The following TTC28 variants were observed in gnomAD, a reference collection of about 807,000 sequenced individuals.
The protein encoded by TTC28 is tetratricopeptide repeat protein 28.
In TTC28, 61 loss-of-function variants were observed where a neutral mutation model predicts 198.0. The ratio of observed to expected loss-of-function variants is 0.31; its 90% CI spans 0.25 to 0.38. The LOEUF is 0.38. Ranked by LOEUF, TTC28 falls within the 10% of genes least tolerant of loss-of-function variation. The pLI is 1.00. For synonymous variants in TTC28, 1,171 were observed against 1,297.8 expected (o/e 0.90, Z 2.10); for missense variants, 2,678 against 3,164.0 (o/e 0.85, Z 3.69).
chr22:28,083,746 G>A (rs935387377), intron 12 of TTC28, among the ~76,000 whole-genome samples: 1 of 152,212 alleles, frequency 6.6e-6, no homozygotes, highest in African/African-American at 2.4e-5. Context: ...AGGGGTCAGG[G>A]AATTCCCTTT....
intron 2 of TTC28, among the ~76,000 whole-genome samples, chr22:28,507,686 C>A (rs1601485137): frequency 6.6e-6 from 1 of 152,236 alleles, no homozygotes; most frequent in East Asian, 1.9e-4. Context: ...CAAAGGGAAG[C>A]CTATCAGACT....
intron 2 of TTC28, among the ~76,000 whole-genome samples, chr22:28,497,080 C>G: frequency 6.6e-6 from 1 of 152,134 alleles, no homozygotes; most frequent in South Asian, 2.1e-4. Flanking sequence ...GTAATCCCTC[C>G]CCACTTCCAA....
chr22:27,997,024 C>T (rs1009012393), intron 16 of TTC28, among the ~76,000 whole-genome samples: 1 of 152,224 alleles, frequency 6.6e-6, no homozygotes, highest in Admixed American at 6.5e-5. Context: ...GGGCCAGGTC[C>T]CCACAAGCCC....
chr22:28,181,183 AAT>A (rs1395710543), intron 5 of TTC28, among the ~76,000 whole-genome samples: 7 of 152,216 alleles, frequency 4.6e-5, no homozygotes, highest in Non-Finnish European at 1.0e-4. Context: ...TTGGAAGAAC[AAT>A]ATGTCAGAAA....
chr22:28,417,172 T>C lies in TTC28; in HGVS notation c.382-110529A>G, dbSNP rs528801531. ...GGGAGGCTGAGGTGGGAGGATGGCT[T>C]GAGCCTAGGGGTTTGAGACCAGCCT... On this transcript the variant is annotated intron_variant, in intron 2 of 22. Coordinates refer to ENST00000397906, the MANE Select transcript of TTC28 (RefSeq NM_001145418.2). Among the ~76,000 whole-genome samples, 7 of 151,946 alleles carry C rather than the reference T, an allele frequency of 4.6e-5. No individual in the cohort carries two copies. In the South Asian group the frequency reaches 1.5e-3, roughly 32 times the overall value.
intron 5 of TTC28, among the ~76,000 whole-genome samples, chr22:28,241,992 T>C (rs1451644704): frequency 6.6e-6 from 1 of 152,228 alleles, no homozygotes; most frequent in East Asian, 1.9e-4. Context: ...AAAAGACTCA[T>C]TCAACAGAAT....
chr22:28,477,060 C>T (rs9625481), intron 2 of TTC28, among the ~76,000 whole-genome samples: 15,157 of 152,082 alleles, frequency 0.1, 860 homozygotes, highest in African/African-American at 0.12. Flanking sequence ...CTGGAACAGG[C>T]ATAACTAATT....
At chr22:28,408,952 A>G (rs965293759) in intron 2 of TTC28, among the ~76,000 whole-genome samples, 28 of 152,358 alleles carry the variant, frequency 1.8e-4, no homozygotes, top group Admixed American at 1.4e-3. Flanking sequence ...ATGTTTCATT[A>G]TTCACTAAAC....
At chr22:28,111,195 C>T (rs938239588) in intron 6 of TTC28, among the ~76,000 whole-genome samples, 14 of 151,770 alleles carry the variant, frequency 9.2e-5, no homozygotes, top group Admixed American at 6.6e-4. Flanking sequence ...AACATATAAA[C>T]CTTGGTTTAA....
Position 28,222,027 on chromosome 22 carries a change from A to C in TTC28, c.934-58428T>G, listed in dbSNP as rs550198216. ...AACGCTTTACTGATCTTGCCTTAGG[A>C]GCCTAATTTAGCTCCCCAACTCTCA... On this transcript the variant is annotated intron_variant, in intron 5 of 22. Coordinates refer to ENST00000397906, the MANE Select transcript of TTC28 (RefSeq NM_001145418.2). Among the ~76,000 whole-genome samples the C allele has an allele frequency of 2.0e-4, 30 of 152,288 alleles. No individual in the cohort carries two copies. In the South Asian group the frequency reaches 6.0e-3, roughly 31 times the overall value.
rs139482161 is a variant in TTC28 at position 28,477,067 on chromosome 22, A to G, written c.381+152485T>C. Among the ~76,000 whole-genome samples, 129 of 152,340 alleles carry G rather than the reference A, an allele frequency of 8.5e-4. 1 individual carries two copies. The highest frequency in any genetic ancestry group is 1.7e-3 in the Non-Finnish European group (113 of 68,030). On this transcript the variant is annotated intron_variant, in intron 2 of 22. Transcript: ENST00000397906. The stretch of plus-strand genomic sequence containing the variant: ...ATAAAGTTCTGGAACAGGCATAACT[A>G]ATTTATATTTGTAGCTGTACAACTC...
chr22:28,410,534 T>C (rs189079991), intron 2 of TTC28, among the ~76,000 whole-genome samples: 6 of 152,316 alleles, frequency 3.9e-5, no homozygotes, highest in Admixed American at 2.0e-4. Flanking sequence ...AAAAGGAACA[T>C]AGATTGTATT....
At chr22:28,423,267 G>A (rs978595292) in intron 2 of TTC28, among the ~76,000 whole-genome samples, 5 of 152,148 alleles carry the variant, frequency 3.3e-5, no homozygotes, top group African/African-American at 1.2e-4. Context: ...CCACGTGCCT[G>A]TAATACCAGC....
intron 2 of TTC28, among the ~76,000 whole-genome samples, chr22:28,343,059 T>A (rs2045857178): frequency 6.6e-6 from 1 of 152,056 alleles, no homozygotes; most frequent in Non-Finnish European, 1.5e-5. Flanking sequence ...CATACACACA[T>A]AATGAAAAAG....
At chr22:28,414,214 T>G (rs757893616) in intron 2 of TTC28, among the ~76,000 whole-genome samples, 25 of 152,180 alleles carry the variant, frequency 1.6e-4, no homozygotes, top group Non-Finnish European at 3.1e-4. Flanking sequence ...TTGGTTGGAA[T>G]TCACACCAGG....
rs548337063 is a variant in TTC28 at position 28,595,105 on chromosome 22, G to A, written c.381+34447C>T. 3.9e-5 allele frequency among the ~76,000 whole-genome samples: 6 copies of A among 151,994 alleles called. No individual in the cohort carries two copies. In the South Asian group the frequency reaches 6.2e-4, roughly 16 times the overall value. On this transcript the variant is annotated intron_variant, in intron 2 of 22. Transcript: ENST00000397906. Reference sequence around the variant, plus strand: ...CATATTTATTTCTAGCTGACTAATCGGGAACTAAGTACACAATAAAACTTA... The same window carrying A: ...CATATTTATTTCTAGCTGACTAATCAGGAACTAAGTACACAATAAAACTTA...
chr22:28,573,159 A>T (rs2050089978), intron 2 of TTC28, among the ~76,000 whole-genome samples: 1 of 150,166 alleles, frequency 6.7e-6, no homozygotes, highest in Non-Finnish European at 1.5e-5. Flanking sequence ...AATTAATCTT[A>T]TAAAAAACAG....
chr22:28,273,017 G>T (rs1187097413), intron 5 of TTC28, among the ~76,000 whole-genome samples: 4 of 152,200 alleles, frequency 2.6e-5, no homozygotes, highest in Non-Finnish European at 5.9e-5. Context: ...AAGGTGGTGG[G>T]ACCTGGTAAG....
chr22:27,985,934 A>G (rs1937198026), intron 21 of TTC28: 1 of 154,514 alleles, frequency 6.5e-6, no homozygotes, highest in Non-Finnish European at 1.5e-5. Context: ...TAAGGATTCT[A>G]ATGAGACTCA....
Sources: gnomAD v4.1 joint callset for allele counts (sites outside exome capture counted in the v4.1 genomes callset) on GRCh38, gnomAD v4.1.1 for gene constraint, MANE v1.5 for transcripts, NCBI Gene and HGNC (gene_info 2026-07-23, HGNC 2026-07-21) for gene names.